Variants in CELF2 observed in about 807,000 individuals in gnomAD.
CELF2 encodes CUG triplet repeat RNA-binding protein 2.
Under a neutral mutation model 62.6 loss-of-function variants are expected in CELF2, and 8 were observed. That is an observed-to-expected ratio of 0.13 (90% CI 0.07 to 0.23). The LOEUF is 0.23. Among genes scored for constraint, CELF2 ranks in the 10% least tolerant of loss-of-function variants. The pLI, the probability that CELF2 is intolerant of heterozygous loss-of-function variation, is 1.00. For synonymous variants in CELF2, 258 were observed against 250.0 expected (o/e 1.03, Z -0.30); for missense variants, 333 against 671.0 (o/e 0.50, Z 5.56).
rs2082921884 is a variant in CELF2 at position 11,268,908 on chromosome 10, G to T, written c.619-1758G>T. Among the ~76,000 whole-genome samples the T allele has an allele frequency of 6.6e-6, 1 of 152,066 alleles. No individual in the cohort carries two copies. ...CAATTAATTTTATATCGTGCCTTCT[G>T]TTTCTCCACTTGCCTTCACTCTATC... On this transcript the variant is annotated intron_variant, in intron 6 of 12. Coordinates refer to ENST00000633077, the MANE Select transcript of CELF2 (RefSeq NM_001326342.2). This position sits in a 1 kb window ranked among gnomAD's most constrained non-coding sequence, Gnocchi z 4.7.
the CELF2 span, among the ~76,000 whole-genome samples, chr10:10,727,424 G>A: frequency 6.6e-6 from 1 of 152,136 alleles, no homozygotes; most frequent in Non-Finnish European, 1.5e-5. Context: ...TAAACTCCAA[G>A]CTGGCTTTAT....
the CELF2 span, among the ~76,000 whole-genome samples, chr10:10,664,604 G>T: frequency 6.6e-6 from 1 of 152,218 alleles, no homozygotes; most frequent in African/African-American, 2.4e-5. Flanking sequence ...CGGTGGGCTA[G>T]CAAGGAAGAC....
chr10:10,907,847 C>T (rs2063470645), intron 1 of CELF2, among the ~76,000 whole-genome samples: 1 of 152,158 alleles, frequency 6.6e-6, no homozygotes, highest in African/African-American at 2.4e-5. Context: ...TTTGCATTTT[C>T]AGAGGTAATG....
the CELF2 span, among the ~76,000 whole-genome samples, chr10:10,547,479 A>G: frequency 6.6e-6 from 1 of 152,186 alleles, no homozygotes; most frequent in Non-Finnish European, 1.5e-5. Context: ...AAGCGCACAA[A>G]AAGAATTTCT....
At chr10:10,852,117 G>T (rs1408103561) in intron 1 of CELF2, among the ~76,000 whole-genome samples, 1 of 152,210 alleles carries the variant, frequency 6.6e-6, no homozygotes, top group African/African-American at 2.4e-5. Context: ...CAAGACAGAA[G>T]AATTTATATT....
the CELF2 span, among the ~76,000 whole-genome samples, chr10:10,565,907 A>C: frequency 1.3e-5 from 2 of 152,346 alleles, no homozygotes; most frequent in East Asian, 3.9e-4. Context: ...TTAATGAGGC[A>C]GTGGAGGTTG....
intron 9 of CELF2, among the ~76,000 whole-genome samples, chr10:11,310,482 A>G (rs1262986733): frequency 6.6e-6 from 1 of 152,178 alleles, no homozygotes; most frequent in African/African-American, 2.4e-5. Context: ...TACACTTAGG[A>G]CAATTTCCAG....
intron 1 of CELF2, among the ~76,000 whole-genome samples, chr10:10,828,782 G>A (rs1422473476): frequency 2.6e-5 from 4 of 152,168 alleles, no homozygotes; most frequent in Non-Finnish European, 5.9e-5. Flanking sequence ...CTGATATTCT[G>A]AAGTACTTTA....
intron 2 of CELF2, among the ~76,000 whole-genome samples, chr10:11,182,119 G>T (rs567397253): frequency 1.1e-3 from 172 of 152,338 alleles, no homozygotes; most frequent in African/African-American, 3.9e-3. Context: ...GCCAGCAAGG[G>T]CTCTGAGCCC....
intron 2 of CELF2, among the ~76,000 whole-genome samples, chr10:10,925,485 C>G (rs9804301): frequency 0.024 from 3,580 of 152,180 alleles, 57 homozygotes; most frequent in Middle Eastern, 0.041. Flanking sequence ...CGGACACCAT[C>G]TCTTCTCTGA....
At chr10:10,869,310 T>C (rs2060578769) in intron 1 of CELF2, among the ~76,000 whole-genome samples, 1 of 152,180 alleles carries the variant, frequency 6.6e-6, no homozygotes, top group Admixed American at 6.5e-5. Flanking sequence ...ACATCTGTAA[T>C]CCCAGCACTT....
chr10:10,992,982 T>C (rs773881221), intron 2 of CELF2, among the ~76,000 whole-genome samples: 1 of 152,150 alleles, frequency 6.6e-6, no homozygotes, highest in Non-Finnish European at 1.5e-5. Context: ...GAAACACTTA[T>C]ATATTCTTGT....
the CELF2 span, among the ~76,000 whole-genome samples, chr10:10,464,306 A>G: frequency 6.6e-6 from 1 of 152,198 alleles, no homozygotes; most frequent in Non-Finnish European, 1.5e-5. Flanking sequence ...CATTTCAGTT[A>G]TAATTGGAAT....
At chr10:10,831,094 G>A (rs540363721) in intron 1 of CELF2, among the ~76,000 whole-genome samples, 10 of 152,168 alleles carry the variant, frequency 6.6e-5, no homozygotes, top group African/African-American at 1.9e-4. Flanking sequence ...TGGAATCCTA[G>A]AACTTTTTAT....
chr10:10,574,442 A>G, the CELF2 span, among the ~76,000 whole-genome samples: 1 of 152,188 alleles, frequency 6.6e-6, no homozygotes, highest in African/African-American at 2.4e-5. Flanking sequence ...TAAAAAGCTA[A>G]TGAGAAACGT....
intron 2 of CELF2, among the ~76,000 whole-genome samples, chr10:11,187,408 ATCTG>A (rs1224749107): frequency 1.3e-5 from 2 of 152,278 alleles, no homozygotes; most frequent in East Asian, 1.9e-4. Flanking sequence ...ACGTGTATGT[ATCTG>A]TCTATTTAAA....
At chr10:11,241,961 G>C (rs1366817331) in intron 3 of CELF2, among the ~76,000 whole-genome samples, 1 of 152,158 alleles carries the variant, frequency 6.6e-6, no homozygotes, top group Non-Finnish European at 1.5e-5. Flanking sequence ...ATACAAGCGA[G>C]ACACAAGTAT....
the CELF2 span, among the ~76,000 whole-genome samples, chr10:10,543,863 T>G: frequency 6.6e-6 from 1 of 152,188 alleles, no homozygotes; most frequent in Non-Finnish European, 1.5e-5. Flanking sequence ...GCATTGACTC[T>G]GGAGGATGAT....
chr10:10,874,657 T>C (rs771617415), intron 1 of CELF2, among the ~76,000 whole-genome samples: 1 of 152,198 alleles, frequency 6.6e-6, no homozygotes, highest in Non-Finnish European at 1.5e-5. Flanking sequence ...ATAATATATG[T>C]TGATGTTGGT....
Sources: gnomAD v4.1 joint callset for allele counts (sites outside exome capture counted in the v4.1 genomes callset) on GRCh38, gnomAD v4.1.1 for gene constraint, Gnocchi (gnomAD v3.1) non-coding constraint, MANE v1.5 for transcripts, NCBI Gene and HGNC (gene_info 2026-07-23, HGNC 2026-07-21) for gene names.